Variants in SLC2A9 observed in about 807,000 individuals in gnomAD.
SLC2A9 encodes solute carrier family 2, facilitated glucose transporter member 9.
Under a neutral mutation model 50.6 loss-of-function variants are expected in SLC2A9, and 39 were observed. The observed-to-expected ratio is 0.77, with a 90% CI of 0.60 to 1.01. SLC2A9 has a LOEUF of 1.01. Ranked by LOEUF, SLC2A9 falls within the 50% of genes least tolerant of loss-of-function variation. The pLI is 0.00. For synonymous variants in SLC2A9, 324 were observed against 276.9 expected (o/e 1.17, Z -1.69); for missense variants, 686 against 677.6 (o/e 1.01, Z -0.14).
intron 10 of SLC2A9, among the ~76,000 whole-genome samples, chr4:9,848,727 T>C (rs1228767077): frequency 2.1e-5 from 3 of 142,320 alleles, no homozygotes; most frequent in African/African-American, 5.4e-5. Flanking sequence ...GGAGACCGAG[T>C]CTCACTCTGT....
intron 3 of SLC2A9, among the ~76,000 whole-genome samples, chr4:9,804,369 T>C (rs746914774): frequency 6.6e-6 from 1 of 152,068 alleles, no homozygotes; most frequent in Non-Finnish European, 1.5e-5. Flanking sequence ...CTTCTTTAAA[T>C]GGCCCTCAAC....
chr4:9,867,587 T>C (rs562491660), intron 10 of SLC2A9, among the ~76,000 whole-genome samples: 3 of 152,324 alleles, frequency 2.0e-5, no homozygotes, highest in African/African-American at 7.2e-5. Context: ...TCTGTAGAGA[T>C]AGACGGGCGG....
chr4:9,955,629 T>G (rs1486454835), intron 5 of SLC2A9, among the ~76,000 whole-genome samples: 3 of 152,136 alleles, frequency 2.0e-5, no homozygotes, highest in African/African-American at 7.2e-5. Flanking sequence ...TTTAATAAGC[T>G]TTCACTCCTG....
downstream of SLC2A9, among the ~76,000 whole-genome samples, chr4:9,778,024 T>C (rs116947177): frequency 1.2e-4 from 18 of 152,126 alleles, no homozygotes; most frequent in East Asian, 3.3e-3. Flanking sequence ...TTTACTTGCA[T>C]TTCTACTTCT....
At chr4:10,019,274 G>A (rs1763199842) in intron 1 of SLC2A9, 1 of 592,026 alleles carries the variant, frequency 1.7e-6, no homozygotes, top group Non-Finnish European at 3.0e-6. Flanking sequence ...CGCAGGCCGG[G>A]CGCCCTCAGG....
chr4:9,910,131 G>A (rs1051238225), intron 7 of SLC2A9, among the ~76,000 whole-genome samples: 4 of 152,200 alleles, frequency 2.6e-5, no homozygotes, highest in South Asian at 4.1e-4. Flanking sequence ...CCATTTCTTC[G>A]AGCTTGCAGG....
chr4:9,858,306 T>C (rs189634750), intron 10 of SLC2A9, among the ~76,000 whole-genome samples: 14 of 152,242 alleles, frequency 9.2e-5, no homozygotes, highest in Non-Finnish European at 1.8e-4. Flanking sequence ...CTGAGGTTAA[T>C]TGATGCTGTG....
chr4:9,784,348 T>C (rs1392794466), intron 3 of SLC2A9, among the ~76,000 whole-genome samples: 1 of 152,220 alleles, frequency 6.6e-6, no homozygotes, highest in Non-Finnish European at 1.5e-5. Context: ...CCTAGACAGA[T>C]GCGATCAGTT....
intron 1 of SLC2A9, among the ~76,000 whole-genome samples, chr4:10,030,342 T>C (rs1032988325): frequency 2.6e-5 from 4 of 152,044 alleles, no homozygotes; most frequent in Admixed American, 2.6e-4. Context: ...TATTTGTCAA[T>C]CAAAAATAAA....
chr4:9,824,848 C>A (rs933296807), downstream of SLC2A9, among the ~76,000 whole-genome samples: 2 of 152,142 alleles, frequency 1.3e-5, no homozygotes, highest in Non-Finnish European at 2.9e-5. Context: ...CTTTTGGAAC[C>A]CACACCTCAC....
chr4:9,970,274 C>T (rs953552699), intron 5 of SLC2A9, among the ~76,000 whole-genome samples: 9 of 152,190 alleles, frequency 5.9e-5, no homozygotes, highest in African/African-American at 1.9e-4. Context: ...GGAGAGAAGA[C>T]ATTCCTGACT....
intron 10 of SLC2A9, among the ~76,000 whole-genome samples, chr4:9,860,703 C>T (rs1731469822): frequency 6.6e-6 from 1 of 152,220 alleles, no homozygotes; most frequent in Non-Finnish European, 1.5e-5. Context: ...CAACTCATTC[C>T]TTTTTGACAG....
At chr4:9,929,172 A>G (rs1011398972) in intron 6 of SLC2A9, among the ~76,000 whole-genome samples, 14 of 152,236 alleles carry the variant, frequency 9.2e-5, no homozygotes, top group African/African-American at 2.4e-4. Context: ...TAATTCTCGT[A>G]TAACTATCCC....
In SLC2A9 at chr4:9,845,427, C is replaced by CTTTTTTTTTTTTTTTTTTTTTTT. The variant is rs1175166447; in HGVS notation, c.1292-10420_1292-10419insAAAAAAAAAAAAAAAAAAAAAAA. Among the ~76,000 whole-genome samples the CTTTTTTTTTTTTTTTTTTTTTTT allele has an allele frequency of 1.9e-4, 21 of 108,678 alleles. 1 individual carries two copies. Among genetic ancestry groups the CTTTTTTTTTTTTTTTTTTTTTTT allele is most frequent in the African/African-American group, 4.5e-4 (11 of 24,536 alleles). The allele number at this position is 108,678 out of a possible 152,430, so 71.3% of individuals were successfully genotyped here. On this transcript the variant is annotated intron_variant, in intron 10 of 11. Coordinates refer to ENST00000264784, the MANE Select transcript of SLC2A9 (RefSeq NM_020041.3). ...CCAATGGAACCACGATCATCAATTT[C>CTTTTTTTTTTTTTTTTTTTTTTT]TTTTTTTTTTTTTTTTTTTTGAGAC... is the stretch of plus-strand genomic sequence containing the variant.
intron 5 of SLC2A9, among the ~76,000 whole-genome samples, chr4:9,973,637 C>G (rs2109026404): frequency 6.9e-6 from 1 of 143,912 alleles, no homozygotes; most frequent in South Asian, 2.2e-4. Flanking sequence ...CGCATGTTCT[C>G]ACTCATAGGT....
chr4:9,800,405 C>T (rs1721237164), intron 3 of SLC2A9, among the ~76,000 whole-genome samples: 1 of 152,074 alleles, frequency 6.6e-6, no homozygotes, highest in South Asian at 2.1e-4. Flanking sequence ...GATGGGTGTC[C>T]TTATCAAAAG....
intron 3 of SLC2A9, among the ~76,000 whole-genome samples, chr4:9,800,922 C>T (rs886595637): frequency 6.6e-6 from 1 of 152,140 alleles, no homozygotes; most frequent in African/African-American, 2.4e-5. Context: ...TTGTTCCAGC[C>T]ATCCTAGTAC....
chr4:9,994,151 C>T (rs1016262022), intron 3 of SLC2A9, among the ~76,000 whole-genome samples: 9 of 152,148 alleles, frequency 5.9e-5, no homozygotes, highest in Non-Finnish European at 1.3e-4. Flanking sequence ...TGTGGTCAAA[C>T]ACATGCAGAT....
intron 1 of SLC2A9, among the ~76,000 whole-genome samples, chr4:10,037,998 A>G (rs1030132942): frequency 2.6e-5 from 4 of 152,226 alleles, no homozygotes; most frequent in Non-Finnish European, 5.9e-5. Flanking sequence ...GACCCACGGT[A>G]GCTGTGATAA....
Sources: gnomAD v4.1 joint callset for allele counts (sites outside exome capture counted in the v4.1 genomes callset) on GRCh38, gnomAD v4.1.1 for gene constraint, MANE v1.5 for transcripts, NCBI Gene and HGNC (gene_info 2026-07-23, HGNC 2026-07-21) for gene names.